FGD6: variants seen among roughly 807,000 people sequenced by gnomAD.
FGD6 encodes the protein FYVE, RhoGEF and PH domain containing 6.
A neutral mutation model predicts 149.4 loss-of-function variants in FGD6; 90 were observed. The observed-to-expected ratio is 0.60, with a 90% CI of 0.51 to 0.72. The LOEUF (loss-of-function observed/expected upper bound fraction) is 0.72, where lower values mean the gene tolerates loss of function less well. Ranked by LOEUF, FGD6 falls within the 30% of genes least tolerant of loss-of-function variation. The probability of loss-of-function intolerance (pLI) is 0.00; values close to 1 mark genes in which losing one functional copy is unlikely to be tolerated. For missense variants in FGD6, 1,437 were observed against 1,684.8 expected, an observed-to-expected ratio of 0.85 and a Z score of 2.57; for synonymous variants, 527 against 584.0, an observed-to-expected ratio of 0.90 and a Z score of 1.41.
rs1166847271 is a variant in FGD6 at position 95,209,309 on chromosome 12, T to C, written c.1975A>G (p.Thr659Ala). Reference protein sequence around the residue: ...SKSSQLGDTTTGHLSSGEQKG... With the variant: ...SKSSQLGDTTAGHLSSGEQKG... ...TGCTCCCCACTGGAGAGGTGGCCTG[T>C]GGTGGTGTCTCCGAGTTGGCTACTC... is the stretch of plus-strand genomic sequence containing the variant. Residue 659 changes from threonine to alanine, a missense_variant, in exon 2 of 21, where the codon ACA (threonine) becomes GCA (alanine). Coordinates refer to ENST00000343958, the MANE Select transcript of FGD6 (RefSeq NM_018351.4). 3 of 1,613,744 alleles carry C rather than the reference T, an allele frequency of 1.9e-6. No individual in the cohort carries two copies. Among genetic ancestry groups the C allele is most frequent in the Non-Finnish European group, 2.5e-6 (3 of 1,179,936 alleles).
intron 11 of FGD6, among the ~76,000 whole-genome samples, chr12:95,108,140 T>G (rs537255378): frequency 1.3e-5 from 2 of 152,178 alleles, no homozygotes; most frequent in African/African-American, 4.8e-5. Context: ...GCTCCCCTAA[T>G]TGAACTGGAC....
chr12:95,174,933 A>AAC (rs1555221537), intron 2 of FGD6, among the ~76,000 whole-genome samples: 1 of 142,420 alleles, frequency 7.0e-6, no homozygotes, highest in Non-Finnish European at 1.6e-5. Context: ...TCTCCAAAAA[A>AAC]AAAAAAAAAA....
intron 8 of FGD6, among the ~76,000 whole-genome samples, chr12:95,120,152 C>A (rs1879145101): frequency 6.6e-6 from 1 of 151,506 alleles, no homozygotes; most frequent in Non-Finnish European, 1.5e-5. Flanking sequence ...CTGCTTGAAC[C>A]CAAGAGGCGG....
chr12:95,213,564 ACTT>A (rs1159886594), intron 1 of FGD6, among the ~76,000 whole-genome samples: 1 of 152,132 alleles, frequency 6.6e-6, no homozygotes. Flanking sequence ...TTGGAAGAAA[ACTT>A]CATCTCTCAT....
chr12:95,216,127 C>T (rs1166905880), intron 1 of FGD6, among the ~76,000 whole-genome samples: 5 of 152,198 alleles, frequency 3.3e-5, no homozygotes, highest in Admixed American at 3.3e-4. Context: ...CTTCTTGTTT[C>T]GTTTGTTGTA....
chr12:95,162,928 C>T (rs1880689695), intron 3 of FGD6, among the ~76,000 whole-genome samples: 1 of 152,148 alleles, frequency 6.6e-6, no homozygotes, highest in African/African-American at 2.4e-5. Flanking sequence ...GCCTCCTTAC[C>T]TCTTGCCCTC....
intron 1 of FGD6, among the ~76,000 whole-genome samples, chr12:95,216,783 G>A (rs2056808203): frequency 6.6e-6 from 1 of 151,362 alleles, no homozygotes; most frequent in Admixed American, 6.6e-5. Context: ...ATGGGTAAAA[G>A]GTTTACCAGC....
At chr12:95,146,041 T>G (rs1176695097) in intron 5 of FGD6, among the ~76,000 whole-genome samples, 2 of 152,142 alleles carry the variant, frequency 1.3e-5, no homozygotes, top group East Asian at 3.9e-4. Flanking sequence ...CAAGTGTCAC[T>G]GAATAATTGG....
At chr12:95,166,217 T>C (rs1480448847) in intron 3 of FGD6, among the ~76,000 whole-genome samples, 1 of 152,106 alleles carries the variant, frequency 6.6e-6, no homozygotes, top group Non-Finnish European at 1.5e-5. Flanking sequence ...CCCAGCCTGA[T>C]ATCACCGACT....
At chr12:95,120,651 C>T (rs1488412313) in intron 8 of FGD6, among the ~76,000 whole-genome samples, 1 of 152,170 alleles carries the variant, frequency 6.6e-6, no homozygotes. Context: ...CGCACCACTG[C>T]ACTCTAGCCT....
chr12:95,161,005 C>T (rs1880623943), intron 3 of FGD6, among the ~76,000 whole-genome samples: 1 of 151,722 alleles, frequency 6.6e-6, no homozygotes, highest in Non-Finnish European at 1.5e-5. Context: ...CATGGTGAAA[C>T]CCCGTCTCCA....
intron 3 of FGD6, among the ~76,000 whole-genome samples, chr12:95,168,011 T>C (rs1880873348): frequency 2.6e-5 from 4 of 152,156 alleles, no homozygotes. Flanking sequence ...GCACCATTTA[T>C]ATGTTGACAA....
At chr12:95,205,565 G>A (rs1334641095) in intron 2 of FGD6, among the ~76,000 whole-genome samples, 1 of 152,148 alleles carries the variant, frequency 6.6e-6, no homozygotes, top group Non-Finnish European at 1.5e-5. Flanking sequence ...CAGTGTACTG[G>A]ATTTTGAATT....
In FGD6 at chr12:95,122,250, CTATAA is replaced by C. The variant is rs144066556; in HGVS notation, c.3083-8554_3083-8550del. 2.8e-3 allele frequency among the ~76,000 whole-genome samples: 419 copies of C among 152,216 alleles called. 8 individuals carry two copies. In the East Asian group the frequency reaches 0.039, roughly 14 times the overall value. ...TATATTAGAAGCTAAGTAAATGGTA[CTATAA>C]TATAAGGTATCATTTTATGCACAAA... On this transcript the variant is annotated intron_variant, in intron 8 of 20. Transcript: ENST00000343958.
At chr12:95,104,302 T>C (rs563249242) in intron 14 of FGD6, among the ~76,000 whole-genome samples, 4 of 152,278 alleles carry the variant, frequency 2.6e-5, no homozygotes, top group African/African-American at 7.2e-5. Flanking sequence ...TCTATGTTTA[T>C]GTATTCTTAA....
chr12:95,089,481 A>T, intron 18 of FGD6, 88 bp downstream of exon 18: 1 of 1,449,998 alleles, frequency 6.9e-7, no homozygotes, highest in Non-Finnish European at 9.3e-7. Flanking sequence ...GGGAAATGAC[A>T]TCTTCCTTTA....
intron 15 of FGD6, 87 bp from the exon 16 acceptor site, chr12:95,092,932 G>T: frequency 6.9e-7 from 1 of 1,455,706 alleles, no homozygotes; most frequent in Non-Finnish European, 9.3e-7. Context: ...ACCAAGATGG[G>T]GATGAGGGTC....
In FGD6 at chr12:95,193,536, T is replaced by G. The variant is rs553458946; in HGVS notation, c.2441+15307A>C. ...CCACACCTGGTTAATTCTTGTTTTT[T>G]TTTTTTTTTTGAGACGGTGTCTCAC... On this transcript the variant is annotated intron_variant, in intron 2 of 20. Transcript: ENST00000343958. 1.2e-4 allele frequency among the ~76,000 whole-genome samples: 18 copies of G among 151,302 alleles called. No individual in the cohort carries two copies. In the East Asian group the frequency reaches 2.3e-3, roughly 20 times the overall value.
At chr12:95,163,353 C>CT (rs938623068) in intron 3 of FGD6, among the ~76,000 whole-genome samples, 5 of 151,750 alleles carry the variant, frequency 3.3e-5, no homozygotes, top group Admixed American at 6.6e-5. Context: ...AACACTCCAA[C>CT]TTTTTTTTTA....
Sources: gnomAD v4.1 joint callset for allele counts (sites outside exome capture counted in the v4.1 genomes callset) on GRCh38, gnomAD v4.1.1 for gene constraint, MANE v1.5 for transcripts, NCBI Gene and HGNC (gene_info 2026-07-23, HGNC 2026-07-21) for gene names.